Variants in SRCAP observed in about 807,000 individuals in gnomAD.
SRCAP encodes the protein Snf2 related CREBBP activator protein.
Under a neutral mutation model 263.1 loss-of-function variants are expected in SRCAP, and 46 were observed. That is an observed-to-expected ratio of 0.17 (90% CI 0.14 to 0.22). SRCAP has a LOEUF of 0.22. SRCAP is among the 10% of genes least tolerant of loss of function. The pLI, the probability that SRCAP is intolerant of heterozygous loss-of-function variation, is 1.00. For synonymous variants in SRCAP, 1,813 were observed against 1,662.1 expected, an observed-to-expected ratio of 1.09 and a Z score of -2.21; for missense variants, 3,695 against 4,181.9, an observed-to-expected ratio of 0.88 and a Z score of 3.21.
chr16:30,735,122 A>G (rs1405628891), intron 31 of SRCAP, among the ~76,000 whole-genome samples: 1 of 149,864 alleles, frequency 6.7e-6, no homozygotes, highest in Non-Finnish European at 1.5e-5. Flanking sequence ...AGCGTTTCAC[A>G]TTAAGTACAA....
intron 31 of SRCAP, among the ~76,000 whole-genome samples, chr16:30,735,931 A>G: frequency 7.0e-6 from 1 of 143,182 alleles, no homozygotes; most frequent in African/African-American, 2.6e-5. Flanking sequence ...TTTTTTTTTG[A>G]GAGCTGAGGC....
At chr16:30,710,206 AGGTT>A (rs1235528222) in intron 8 of SRCAP, 78 bp downstream of exon 8, 9 of 1,481,516 alleles carry the variant, frequency 6.1e-6, no homozygotes, top group African/African-American at 1.4e-5. Flanking sequence ...CCGGGCTGTG[AGGTT>A]GGTTATGAGT....
Position 30,728,991 on chromosome 16 carries a change from G to A in SRCAP, c.5684G>A (p.Arg1895Gln), listed in dbSNP as rs763057965. The A allele has an allele frequency of 1.1e-5, 18 of 1,613,650 alleles. No homozygotes were observed. Among genetic ancestry groups the A allele is most frequent in the African/African-American group, 2.7e-5 (2 of 75,036 alleles). ...YLDSLEEKRKRQRSERLERIF... is the reference protein window; with the variant it reads ...YLDSLEEKRKQQRSERLERIF... ...GACTCCCTGGAGGAAAAGCGGAAGC[G>A]GCAGCGGTCTGAACGCCTGGAACGG... The change falls in exon 26 of 34, where the codon CGG (arginine) becomes CAG (glutamine). Residue 1895 changes from arginine to glutamine, a missense_variant. Transcript: ENST00000262518.
In SRCAP at chr16:30,724,613, A is replaced by C. The variant is rs1459617980; in HGVS notation, c.5189A>C (p.Gln1730Pro). Residue 1730 changes from glutamine to proline, a missense_variant, in exon 25 of 34, where the codon CAG (glutamine) becomes CCG (proline). Gln to Pro is a moderately conservative substitution (Grantham distance 76). This residue lies in a region of SRCAP where 1,347 missense variants were observed against 1,304.4 expected (regional missense o/e 1.03). Transcript: ENST00000262518. The part of the protein sequence containing the change: ...PASSLVPTPA[Q>P]TLSLAPGPPL... ...TCATCCCTGGTACCAACTCCAGCCC[A>C]GACACTGTCTTTGGCACCAGGACCA... 6.2e-7 allele frequency: 1 copy of C among 1,613,846 alleles called. No homozygotes were observed. Among genetic ancestry groups the C allele is most frequent in the East Asian group, 2.2e-5 (1 of 44,836 alleles).
Position 30,733,204 on chromosome 16 carries a change from C to T in SRCAP, c.6128-76C>T. ...CTTAAAGCATTGATTATCTTTCAAC[C>T]CCAGCCTTGCATTGCTAAGCATTCT... On this transcript the variant is annotated intron_variant, in intron 27 of 33. Coordinates refer to ENST00000262518, the MANE Select transcript of SRCAP (RefSeq NM_006662.3). The surrounding 1 kb of genome is among the most constrained non-coding windows in gnomAD (Gnocchi z 5.3). 1.3e-6 allele frequency: 2 copies of T among 1,508,182 alleles called. No individual in the cohort carries two copies. Among genetic ancestry groups the T allele is most frequent in the South Asian group, 1.2e-5 (1 of 82,252 alleles). The allele number at this position is 1,508,182 out of a possible 1,614,324, so 93.4% of individuals were successfully genotyped here. A position where few individuals can be genotyped will look rare whatever the true frequency, so the allele number is the denominator to read the frequency against.
At chr16:30,711,491 G>A (rs1449013082) in intron 10 of SRCAP, 80 bp from the exon 11 acceptor site, 1 of 1,425,910 alleles carries the variant, frequency 7.0e-7, no homozygotes, top group East Asian at 2.3e-5. Flanking sequence ...CAGAGACCTA[G>A]GTAAAATTAA....
At chr16:30,735,516 T>C (rs943917047) in intron 31 of SRCAP, among the ~76,000 whole-genome samples, 1 of 151,006 alleles carries the variant, frequency 6.6e-6, no homozygotes, top group Non-Finnish European at 1.5e-5. Flanking sequence ...GTATTTCCAC[T>C]TAAGAGAAGT....
Position 30,720,318 on chromosome 16 carries a change from A to G in SRCAP, c.2974A>G (p.Met992Val). The G allele has an allele frequency of 6.2e-7, 1 of 1,613,512 alleles. No homozygotes were observed. The highest frequency in any genetic ancestry group is 8.5e-7 in the Non-Finnish European group (1 of 1,179,544). Residue 992 changes from methionine (M) to valine (V), a missense_variant, in exon 19 of 34, where the codon ATG becomes GTG. Around this residue, in one of 12 missense-constraint regions of SRCAP, gnomAD observed 147 missense variants for 212.7 expected, o/e 0.69. Transcript: ENST00000262518. ...DPPPRPKPVK[M>V]KVNRMLQPVP... Reference sequence around the variant, plus strand: ...CCCACCCCGGCCCAAGCCAGTCAAGATGAAGGTCAACAGGTACAAGGACTA... The same window carrying G: ...CCCACCCCGGCCCAAGCCAGTCAAGGTGAAGGTCAACAGGTACAAGGACTA...
intron 8 of SRCAP, 104 bp from the exon 9 acceptor site, chr16:30,710,650 A>G (rs150420058): frequency 1.3e-5 from 15 of 1,153,652 alleles, no homozygotes; most frequent in Non-Finnish European, 1.7e-5. Context: ...GGCAACTGTC[A>G]CTCAATGGGA....
intron 10 of SRCAP, 118 bp from the exon 11 acceptor site, chr16:30,711,453 C>T: frequency 9.5e-7 from 1 of 1,053,966 alleles, no homozygotes; most frequent in South Asian, 1.7e-5. Context: ...CTTTTGCCTC[C>T]CCTCAGACCT....
Position 30,737,992 on chromosome 16 carries a change from G to C in SRCAP, c.7952G>C (p.Gly2651Ala). ...CCCCTGTGTGTGAGTGAGAGCAATG[G>C]CCTGGAGCTCCCACCCTCAGCAGCA... The part of the protein sequence containing the change: ...ELPLCVSESN[G>A]LELPPSAASD... Residue 2651 changes from glycine (G) to alanine (A), a missense_variant, in exon 34 of 34, where the codon GGC (glycine) becomes GCC (alanine). By Grantham distance (60) the Gly-to-Ala change is moderately conservative. Coordinates refer to ENST00000262518, the MANE Select transcript of SRCAP (RefSeq NM_006662.3). The C allele has an allele frequency of 1.2e-6, 2 of 1,614,082 alleles. No homozygotes were observed. The highest frequency in any genetic ancestry group is 1.7e-6 in the Non-Finnish European group (2 of 1,180,030).
rs1325171593 is a variant in SRCAP, at chr16:30,723,791, C to A, written c.4367C>A (p.Thr1456Asn). ...CCTGCCCCAGCCTCGGCTCCACTCA[C>A]CATCCCCATCTCAGCCCCCTTGACT... Reference protein sequence around the residue: ...TLPAPASAPLTIPISAPLTVS... With the variant: ...TLPAPASAPLNIPISAPLTVS... The change falls in exon 25 of 34, where the codon ACC becomes AAC. Residue 1456 changes from threonine to asparagine, a missense_variant. By Grantham distance (65) the Thr-to-Asn change is moderately conservative. This residue lies in a region of SRCAP where 1,347 missense variants were observed against 1,304.4 expected (regional missense o/e 1.03). Coordinates refer to ENST00000262518, the MANE Select transcript of SRCAP (RefSeq NM_006662.3). 5.6e-6 allele frequency: 9 copies of A among 1,614,026 alleles called. No homozygotes were observed. The highest frequency in any genetic ancestry group is 1.7e-5 in the Admixed American group (1 of 59,998).
intron 22 of SRCAP, 28 bp downstream of exon 22, chr16:30,722,314 C>T (rs1456223005): frequency 6.2e-7 from 1 of 1,602,408 alleles, no homozygotes; most frequent in Non-Finnish European, 8.5e-7. Context: ...CCTGTCCTGC[C>T]TTTTTCCTCC....
intron 25 of SRCAP, chr16:30,725,840 G>C (rs1446991670): frequency 6.6e-6 from 1 of 151,986 alleles, no homozygotes; most frequent in Non-Finnish European, 1.5e-5. Flanking sequence ...GACCAGGCTG[G>C]TCTCGAATTC....
chr16:30,736,143 C>T (rs1451583805), intron 31 of SRCAP, 57 bp from the exon 32 acceptor site: 3 of 1,598,164 alleles, frequency 1.9e-6, no homozygotes, highest in East Asian at 2.2e-5. Context: ...AATCAAATCA[C>T]AGGATGTAAA....
At position 30,739,607 on chromosome 16, in the gene SRCAP, A is replaced by G; in HGVS notation, c.9567A>G (p.Arg3189=). 1 of 1,594,406 alleles carries G rather than the reference A, an allele frequency of 6.3e-7. No individual in the cohort carries two copies. The highest frequency in any genetic ancestry group is 8.5e-7 in the Non-Finnish European group (1 of 1,171,406). ...AGGAAGGGGATGGGACCCCACGCCGACGTCCTGGCCCCCGCCGGCTTGTTG... is the reference window on the plus strand; with the variant it reads ...AGGAAGGGGATGGGACCCCACGCCGGCGTCCTGGCCCCCGCCGGCTTGTTG... The part of the protein sequence containing the change: ...EEEEGDGTPR[R]RPGPRRLVGT... Residue 3189 remains arginine (R), a synonymous_variant, in exon 34 of 34, where the codon CGA becomes CGG. Transcript: ENST00000262518.
Position 30,722,716 on chromosome 16 carries a change from C to T in SRCAP, c.3860C>T (p.Thr1287Ile), listed in dbSNP as rs1400265815. 6.2e-7 allele frequency: 1 copy of T among 1,613,294 alleles called. No homozygotes were observed. Among genetic ancestry groups the T allele is most frequent in the South Asian group, 1.1e-5 (1 of 91,032 alleles). Reference sequence around the variant, plus strand: ...ACCCCCAGCACCACCCCTGCCCCTACTGGCCTCAGCCTTCCGCTTGCTGCT... The same window carrying T: ...ACCCCCAGCACCACCCCTGCCCCTATTGGCCTCAGCCTTCCGCTTGCTGCT... ...SSTPSTTPAPTGLSLPLAANQ... is the reference protein window; with the variant it reads ...SSTPSTTPAPIGLSLPLAANQ... Residue 1287 changes from threonine to isoleucine, a missense_variant, in exon 23 of 34, where the codon ACT becomes ATT. Physicochemically the swap from Thr to Ile is moderately conservative, Grantham distance 89 (BLOSUM62 -1). Around this residue, in one of 12 missense-constraint regions of SRCAP, gnomAD observed 1,347 missense variants for 1,304.4 expected, o/e 1.03. Coordinates refer to ENST00000262518, the MANE Select transcript of SRCAP (RefSeq NM_006662.3).
chr16:30,704,430 T>C (rs1434291827), intron 4 of SRCAP, 115 bp downstream of exon 4: 4 of 1,327,942 alleles, frequency 3.0e-6, no homozygotes, highest in Non-Finnish European at 3.1e-6. Flanking sequence ...GGGTATAGGT[T>C]CTGCCTTAAT....
intron 10 of SRCAP, 151 bp from the exon 11 acceptor site, chr16:30,711,420 C>T (rs2052889781): frequency 3.9e-6 from 3 of 768,322 alleles, no homozygotes; most frequent in Non-Finnish European, 6.1e-6. Flanking sequence ...CTTGGCTTTG[C>T]TAGCTGATGC....
Sources: gnomAD v4.1 joint callset for allele counts (sites outside exome capture counted in the v4.1 genomes callset) on GRCh38, gnomAD v4.1.1 for gene constraint, gnomAD v4.1.1 regional missense constraint, Gnocchi (gnomAD v3.1) non-coding constraint, MANE v1.5 for transcripts, NCBI Gene and HGNC (gene_info 2026-07-23, HGNC 2026-07-21) for gene names.